Variants in CSMD2 observed in about 807,000 individuals in gnomAD.
CSMD2 encodes CUB and sushi domain-containing protein 2.
CSMD2 carries 130 observed loss-of-function variants against 398.5 expected under a neutral mutation model. The ratio of observed to expected loss-of-function variants is 0.33; its 90% CI spans 0.28 to 0.38. The LOEUF (loss-of-function observed/expected upper bound fraction) is 0.38. Among genes scored for constraint, CSMD2 ranks in the 10% least tolerant of loss-of-function variants. CSMD2 has a pLI of 1.00. For synonymous variants in CSMD2, 1,828 were observed against 1,908.5 expected, an observed-to-expected ratio of 0.96 and a Z score of 1.10; for missense variants, 3,829 against 4,764.9, an observed-to-expected ratio of 0.80 and a Z score of 5.78.
intron 3 of CSMD2, among the ~76,000 whole-genome samples, chr1:33,990,896 T>A (rs1011405360): frequency 6.6e-6 from 1 of 152,194 alleles, no homozygotes; most frequent in East Asian, 1.9e-4. Context: ...AATAATGTTT[T>A]AGTGTAAGTA....
chr1:33,575,174 G>T (rs1401794171), intron 49 of CSMD2, among the ~76,000 whole-genome samples: 1 of 152,216 alleles, frequency 6.6e-6, no homozygotes, highest in Non-Finnish European at 1.5e-5. Context: ...GAGGCTTGTG[G>T]TGGAATGAGA....
chr1:33,623,136 G>A (rs1395930126), intron 36 of CSMD2, among the ~76,000 whole-genome samples: 1 of 152,202 alleles, frequency 6.6e-6, no homozygotes, highest in Admixed American at 6.5e-5. Context: ...GGGGAGGGGA[G>A]TGCAAATGGG....
intron 1 of CSMD2, among the ~76,000 whole-genome samples, chr1:34,155,705 G>C (rs55940400): frequency 6.6e-6 from 1 of 152,192 alleles, no homozygotes; most frequent in Non-Finnish European, 1.5e-5. Flanking sequence ...GAGGTCGTGA[G>C]CTCCCCATCC....
intron 3 of CSMD2, among the ~76,000 whole-genome samples, chr1:33,938,019 C>G (rs1320573877): frequency 6.6e-6 from 1 of 152,212 alleles, no homozygotes; most frequent in Non-Finnish European, 1.5e-5. Flanking sequence ...GAGAGTTACT[C>G]ATTCATGTAT....
intron 1 of CSMD2, among the ~76,000 whole-genome samples, chr1:34,117,994 A>G (rs1661780341): frequency 6.6e-6 from 1 of 151,976 alleles, no homozygotes; most frequent in Non-Finnish European, 1.5e-5. Flanking sequence ...CAGGTGGATC[A>G]CCTGAGGTCA....
chr1:33,863,937 C>T, intron 5 of CSMD2: 1 of 415,782 alleles, frequency 2.4e-6, no homozygotes. Flanking sequence ...CTCAAGTAAC[C>T]AACCAATACG....
chr1:33,826,963 C>T (rs1336005960), intron 6 of CSMD2, among the ~76,000 whole-genome samples: 2 of 152,220 alleles, frequency 1.3e-5, no homozygotes, highest in African/African-American at 4.8e-5. Flanking sequence ...GGGTGCTTTA[C>T]AAGTTCTTTA....
chr1:33,682,106 C>G (rs562079775), intron 25 of CSMD2, among the ~76,000 whole-genome samples: 2 of 152,360 alleles, frequency 1.3e-5, no homozygotes, highest in South Asian at 4.1e-4. Flanking sequence ...AGAATAGACT[C>G]TGTTCCTGCC....
At chr1:34,073,175 C>T (rs1655934598) in intron 2 of CSMD2, among the ~76,000 whole-genome samples, 1 of 152,214 alleles carries the variant, frequency 6.6e-6, no homozygotes, top group Admixed American at 6.5e-5. Flanking sequence ...GCTAACTTTC[C>T]TGATTAACTA....
At chr1:34,127,127 C>T (rs1662829168) in intron 1 of CSMD2, among the ~76,000 whole-genome samples, 1 of 152,008 alleles carries the variant, frequency 6.6e-6, no homozygotes. Flanking sequence ...AGGGCATGAC[C>T]CAGAGTGAGA....
At position 33,560,806 on chromosome 1, in the gene CSMD2, C is replaced by T. The variant is rs546811275; in HGVS notation, c.8381-1333G>A. Among the ~76,000 whole-genome samples the T allele has an allele frequency of 5.3e-5, 8 of 152,342 alleles. No homozygotes were observed. The East Asian group carries it at 1.5e-3, about 29-fold the overall frequency. ...GTCAGGGACTTGGTTTTGCTTATTGCTGCATCCTTGGTGTATGTACCAGTG... is the reference window on the plus strand; with the variant it reads ...GTCAGGGACTTGGTTTTGCTTATTGTTGCATCCTTGGTGTATGTACCAGTG... On this transcript the variant is annotated intron_variant, in intron 53 of 70. Coordinates refer to ENST00000373381, the MANE Select transcript of CSMD2 (RefSeq NM_001281956.2).
At chr1:33,850,272 T>C (rs1638611539) in intron 5 of CSMD2, among the ~76,000 whole-genome samples, 1 of 152,186 alleles carries the variant, frequency 6.6e-6, no homozygotes, top group South Asian at 2.1e-4. Flanking sequence ...GAAGAGTTCA[T>C]GTATTCAGGA....
chr1:33,709,340 C>A (rs1171532176), intron 21 of CSMD2, 82 bp from the exon 22 acceptor site: 19 of 1,251,352 alleles, frequency 1.5e-5, no homozygotes, highest in Non-Finnish European at 1.8e-5. Context: ...AAGAACCTGA[C>A]AAAGATGACA....
intron 10 of CSMD2, chr1:33,805,018 A>G (rs558529929): frequency 3.2e-6 from 2 of 632,090 alleles, no homozygotes; most frequent in African/African-American, 1.8e-5. Context: ...GGTGCTCTGC[A>G]GAGGTGCTAT....
rs764685217 is a variant in CSMD2, at chr1:33,600,280, C to T, written c.6856+585G>A. 180 of 654,592 alleles carry T rather than the reference C, an allele frequency of 2.7e-4. 2 individuals carry two copies. Among genetic ancestry groups the T allele is most frequent in the Middle Eastern group, 3.1e-4 (1 of 3,234 alleles). The allele number at this position is 654,592 out of a possible 1,614,324, so 40.5% of individuals were successfully genotyped here. A position where few individuals can be genotyped will look rare whatever the true frequency, so the allele number is the denominator to read the frequency against. On this transcript the variant is annotated intron_variant, in intron 44 of 70. Coordinates refer to ENST00000373381, the MANE Select transcript of CSMD2 (RefSeq NM_001281956.2). ...ATATGTGCATCATTCCATAGATAGGCACAAGTCCACAGAGAACATTCTATA... is the reference window on the plus strand; with the variant it reads ...ATATGTGCATCATTCCATAGATAGGTACAAGTCCACAGAGAACATTCTATA...
intron 41 of CSMD2, chr1:33,605,970 T>C: frequency 6.2e-7 from 1 of 1,613,562 alleles, no homozygotes; most frequent in Non-Finnish European, 8.5e-7. Flanking sequence ...GGAAGAAATC[T>C]GGTGGGAGTA....
chr1:33,586,034 C>T (rs1271754771), intron 46 of CSMD2, among the ~76,000 whole-genome samples: 3 of 152,178 alleles, frequency 2.0e-5, no homozygotes, highest in Admixed American at 6.5e-5. Flanking sequence ...TGGGGTGACT[C>T]GCTGAAGCGA....
chr1:34,002,120 T>C (rs1646923950), intron 3 of CSMD2, among the ~76,000 whole-genome samples: 1 of 152,204 alleles, frequency 6.6e-6, no homozygotes, highest in Admixed American at 6.5e-5. Flanking sequence ...TTTGTTTTCT[T>C]GAAAAATCTG....
rs374668209 is a variant in CSMD2 at position 33,761,058 on chromosome 1, G to C, written c.1846+11511C>G. Among the ~76,000 whole-genome samples, 103 of 152,270 alleles carry C rather than the reference G, an allele frequency of 6.8e-4. No homozygotes were observed. The South Asian group carries it at 0.021, about 31-fold the overall frequency. On this transcript the variant is annotated intron_variant, in intron 13 of 70. Transcript: ENST00000373381. ...ACTGCTCGACTGCCAACTGTGACCTGGTGAGGCACCTTCTGTGAGCAGATC... is the reference window on the plus strand; with the variant it reads ...ACTGCTCGACTGCCAACTGTGACCTCGTGAGGCACCTTCTGTGAGCAGATC...
Sources: gnomAD v4.1 joint callset for allele counts (sites outside exome capture counted in the v4.1 genomes callset) on GRCh38, gnomAD v4.1.1 for gene constraint, MANE v1.5 for transcripts, NCBI Gene and HGNC (gene_info 2026-07-23, HGNC 2026-07-21) for gene names.